PGM2L1: variants seen among roughly 807,000 people sequenced by gnomAD.
PGM2L1 encodes the protein phosphoglucomutase 2 like 1.
Under a neutral mutation model 73.4 loss-of-function variants are expected in PGM2L1, and 35 were observed. The observed-to-expected ratio is 0.48, with a 90% confidence interval of 0.36 to 0.63. PGM2L1 has a LOEUF of 0.63. Among genes scored for constraint, PGM2L1 ranks in the 30% least tolerant of loss-of-function variants. PGM2L1 has a pLI of 0.00. For synonymous variants in PGM2L1, 225 were observed against 253.8 expected, an observed-to-expected ratio of 0.89 and a Z score of 1.08; for missense variants, 570 against 742.0, an observed-to-expected ratio of 0.77 and a Z score of 2.69.
At chr11:74,361,025 C>T (rs1862554846) in intron 5 of PGM2L1, among the ~76,000 whole-genome samples, 1 of 152,202 alleles carries the variant, frequency 6.6e-6, no homozygotes, top group Non-Finnish European at 1.5e-5. Context: ...TTAAATGTCC[C>T]TGTCTGACAG....
intron 1 of PGM2L1, among the ~76,000 whole-genome samples, chr11:74,383,035 CT>C (rs1425374398): frequency 6.6e-6 from 1 of 152,118 alleles, no homozygotes; most frequent in Non-Finnish European, 1.5e-5. Context: ...ATTAAATAGT[CT>C]TTGTTTTAGC....
chr11:74,371,287 G>A (rs896298896), intron 3 of PGM2L1, among the ~76,000 whole-genome samples: 4 of 151,958 alleles, frequency 2.6e-5, no homozygotes, highest in African/African-American at 9.7e-5. Context: ...CAAAAAGAAT[G>A]GAAAAAGTGA....
intron 12 of PGM2L1, 135 bp from the exon 13 acceptor site, chr11:74,338,736 A>G (rs898246981): frequency 1.0e-4 from 112 of 1,124,096 alleles, no homozygotes; most frequent in Admixed American, 6.9e-4. Flanking sequence ...AGAAATTAGA[A>G]TGGCAGTTGC....
At chr11:74,341,942 T>C (rs924283822) in intron 12 of PGM2L1, among the ~76,000 whole-genome samples, 1 of 152,122 alleles carries the variant, frequency 6.6e-6, no homozygotes. Flanking sequence ...TGCCATGACA[T>C]CTGTAAGCTG....
chr11:74,375,750 T>C (rs1438079882), intron 1 of PGM2L1, among the ~76,000 whole-genome samples: 1 of 152,198 alleles, frequency 6.6e-6, no homozygotes, highest in Non-Finnish European at 1.5e-5. Flanking sequence ...ACTGAAATTT[T>C]AATCTGCTTA....
At position 74,347,231 on chromosome 11, in the gene PGM2L1, T is replaced by C. The variant is rs151273734; in HGVS notation, c.856A>G (p.Ile286Val). 6.2e-7 allele frequency: 1 copy of C among 1,613,264 alleles called. No homozygotes were observed. The highest frequency in any genetic ancestry group is 8.5e-7 in the Non-Finnish European group (1 of 1,179,556). ...AFKVFGFKPP[I>V]PVPEQKDPDP... Reference sequence around the variant, plus strand: ...GGATCTTTTTGTTCTGGTACTGGAATTGGAGGCTTAAAACCAAACACTTTA... The same window carrying C: ...GGATCTTTTTGTTCTGGTACTGGAACTGGAGGCTTAAAACCAAACACTTTA... The change falls in exon 7 of 14, where the codon ATT becomes GTT. Residue 286 changes from isoleucine to valine, a missense_variant. Physicochemically the swap from Ile to Val is conservative, Grantham distance 29. Transcript: ENST00000298198.
intron 1 of PGM2L1, among the ~76,000 whole-genome samples, chr11:74,380,541 T>C (rs923626296): frequency 6.6e-6 from 1 of 152,100 alleles, no homozygotes; most frequent in Non-Finnish European, 1.5e-5. Context: ...ATCATATCCA[T>C]GAAATGAAGT....
chr11:74,378,674 G>T (rs956520746), intron 1 of PGM2L1, among the ~76,000 whole-genome samples: 2 of 152,154 alleles, frequency 1.3e-5, no homozygotes, highest in Admixed American at 6.5e-5. Flanking sequence ...ATGAAGAAAA[G>T]AAAGTGTCTT....
intron 1 of PGM2L1, among the ~76,000 whole-genome samples, chr11:74,386,571 G>C (rs1420359476): frequency 1.3e-5 from 2 of 151,912 alleles, no homozygotes; most frequent in African/African-American, 4.8e-5. Context: ...AACCTCCCAG[G>C]CTCAAGCAAT....
chr11:74,369,973 C>T (rs1862727423), intron 4 of PGM2L1, among the ~76,000 whole-genome samples: 1 of 151,994 alleles, frequency 6.6e-6, no homozygotes, highest in Admixed American at 6.6e-5. Context: ...TCTCAAACTC[C>T]TGACCTCAGG....
rs557272677 is a variant in PGM2L1 at position 74,334,438 on chromosome 11, A to G, written c.*2214T>C. 2 of 152,356 alleles carry G rather than the reference A, an allele frequency of 1.3e-5. No homozygotes were observed. Among genetic ancestry groups the G allele is most frequent in the South Asian group, 2.1e-4 (1 of 4,832 alleles). 9.4% of individuals were successfully genotyped at this position (152,356 alleles called of 1,614,324 possible). A position where few individuals can be genotyped will look rare whatever the true frequency, so the allele number is the denominator to read the frequency against. ...ATATAAAACAAAAGATGTTTTACAC[A>G]TTTTAAAAATAAAACAAAAATTCTA... On this transcript the variant is annotated 3_prime_UTR_variant, in exon 14 of 14. Coordinates refer to ENST00000298198, the MANE Select transcript of PGM2L1 (RefSeq NM_173582.6).
intron 1 of PGM2L1, 144 bp downstream of exon 1, chr11:74,397,907 T>C: frequency 7.5e-7 from 1 of 1,337,496 alleles, no homozygotes; most frequent in Non-Finnish European, 9.6e-7. Context: ...CACGCATAGG[T>C]GGGTGGCAAC....
At chr11:74,346,054 C>A (rs1185558462) in intron 8 of PGM2L1, among the ~76,000 whole-genome samples, 1 of 151,794 alleles carries the variant, frequency 6.6e-6, no homozygotes, top group African/African-American at 2.4e-5. Context: ...CACCTGAGGT[C>A]AGGAGTTCGA....
chr11:74,383,693 C>T (rs139758529), intron 1 of PGM2L1, among the ~76,000 whole-genome samples: 1,600 of 151,698 alleles, frequency 0.011, 29 homozygotes, highest in African/African-American at 0.037. Context: ...TGAGAACATG[C>T]GGTGTTCGGT....
At chr11:74,347,718 G>C (rs1189391305) in intron 6 of PGM2L1, among the ~76,000 whole-genome samples, 1 of 152,148 alleles carries the variant, frequency 6.6e-6, no homozygotes, top group Non-Finnish European at 1.5e-5. Context: ...AGATTGCAAA[G>C]TACCTAATTA....
intron 1 of PGM2L1, among the ~76,000 whole-genome samples, chr11:74,377,138 C>T (rs900988982): frequency 7.0e-5 from 10 of 142,610 alleles, no homozygotes; most frequent in Admixed American, 2.1e-4. Context: ...ATTATTATTT[C>T]TTTTTTTTTT....
At chr11:74,351,819 G>A (rs558810023) in intron 5 of PGM2L1, among the ~76,000 whole-genome samples, 11 of 151,886 alleles carry the variant, frequency 7.2e-5, no homozygotes, top group African/African-American at 2.4e-4. Context: ...AAAATTAGCC[G>A]GGTGTGGTGG....
intron 5 of PGM2L1, among the ~76,000 whole-genome samples, chr11:74,362,048 C>A (rs549398161): frequency 6.6e-6 from 1 of 152,116 alleles, no homozygotes; most frequent in Non-Finnish European, 1.5e-5. Flanking sequence ...ATACACAGAA[C>A]GCCACAAAGA....
intron 1 of PGM2L1, among the ~76,000 whole-genome samples, chr11:74,383,096 T>C (rs1223180928): frequency 6.6e-6 from 1 of 152,182 alleles, no homozygotes. Flanking sequence ...GGATTCATGT[T>C]ATGATTTAGT....
Sources: gnomAD v4.1 joint callset for allele counts (sites outside exome capture counted in the v4.1 genomes callset) on GRCh38, gnomAD v4.1.1 for gene constraint, MANE v1.5 for transcripts, NCBI Gene and HGNC (gene_info 2026-07-23, HGNC 2026-07-21) for gene names.